PLSCR3: variants seen among roughly 807,000 people sequenced by gnomAD.
The protein encoded by PLSCR3 is phospholipid scramblase 3, also known as PL scramblase 3.
In PLSCR3, 17 loss-of-function variants were observed where a neutral mutation model predicts 33.7. The ratio of observed to expected loss-of-function variants is 0.50; its 90% confidence interval spans 0.35 to 0.76. The LOEUF is 0.76. PLSCR3 is among the 30% of genes least tolerant of loss of function. The probability of loss-of-function intolerance (pLI) is 0.01; values close to 1 mark genes in which losing one functional copy is unlikely to be tolerated. For missense variants in PLSCR3, 360 were observed against 394.1 expected (o/e 0.91, Z 0.73); for synonymous variants, 166 against 166.0 (o/e 1.00, Z 0.00).
chr17:7,390,096 C>A lies in PLSCR3; in HGVS notation c.*289G>T. 1 of 324,052 alleles carries A rather than the reference C, an allele frequency of 3.1e-6. No individual in the cohort carries two copies. Among genetic ancestry groups the A allele is most frequent in the Non-Finnish European group, 5.8e-6 (1 of 173,536 alleles). 20.1% of individuals were successfully genotyped at this position (324,052 alleles called of 1,614,324 possible). ...CCAGAGGCCTCCTTTGGAGCAGAGG[C>A]CCTGGAAGGGGGTGGGAGAGAGTGC... On this transcript the variant is annotated 3_prime_UTR_variant, in exon 8 of 8. Coordinates refer to ENST00000619711, the MANE Select transcript of PLSCR3 (RefSeq NM_020360.4).
rs776982633 is a variant in PLSCR3, at chr17:7,392,813, C to T, written c.647G>A (p.Cys216Tyr). 1 of 1,614,066 alleles carries T rather than the reference C, an allele frequency of 6.2e-7. No individual in the cohort carries two copies. Among genetic ancestry groups the T allele is most frequent in the South Asian group, 1.1e-5 (1 of 91,086 alleles). ...TACCTCAAAGTTGGTGTCTGTGCCA[C>T]AGCCACAGGTCCAGCAGGGCCCCAC... is the stretch of plus-strand genomic sequence containing the variant. ...RVVGPCWTCG[C>Y]GTDTNFEVKT... is the part of the protein sequence containing the mutation. Residue 216 changes from cysteine (C) to tyrosine (Y), a missense_variant, in exon 6 of 8, where the codon TGT (cysteine) becomes TAT (tyrosine). Coordinates refer to ENST00000619711, the MANE Select transcript of PLSCR3 (RefSeq NM_020360.4).
At chr17:7,393,556 C>A in intron 3 of PLSCR3, 45 bp downstream of exon 3, 1 of 1,613,786 alleles carries the variant, frequency 6.2e-7, no homozygotes, top group Non-Finnish European at 8.5e-7. Flanking sequence ...CATCTGGACG[C>A]CCAAGTCCCC....
At position 7,390,457 on chromosome 17, in the gene PLSCR3, T is replaced by G; in HGVS notation, c.832-16A>C. The G allele has an allele frequency of 6.3e-7, 1 of 1,588,044 alleles. No individual in the cohort carries two copies. Among genetic ancestry groups the G allele is most frequent in the Non-Finnish European group, 8.6e-7 (1 of 1,164,648 alleles). On this transcript the variant is annotated splice_polypyrimidine_tract_variant and intron_variant, in intron 7 of 7. Transcript: ENST00000619711. ...ACATGTAGTCCTAAGAGGAGGCCAC[T>G]GTCAATGGGAGATCCGGCTGGGCCA...
chr17:7,390,660 C>T lies in PLSCR3; in HGVS notation c.805G>A (p.Val269Met), dbSNP rs1440181295. ...PLDLDVRVKA[V>M]LLGATFLIDY... The stretch of plus-strand genomic sequence containing the variant: ...ATGAGGAATGTGGCTCCCAGCAGCA[C>T]AGCCTTCACCCTCACATCCAGGTCC... The change falls in exon 7 of 8, where the codon GTG becomes ATG. Residue 269 changes from valine to methionine, a missense_variant. Transcript: ENST00000619711. The T allele has an allele frequency of 1.4e-5, 22 of 1,614,108 alleles. No individual in the cohort carries two copies. The highest frequency in any genetic ancestry group is 1.8e-5 in the Non-Finnish European group (21 of 1,179,944).
Position 7,393,359 on chromosome 17 carries a change from G to A in PLSCR3, c.292C>T (p.Leu98=). The change falls in exon 5 of 8, where the codon CTA becomes TTA. Residue 98 remains leucine, a synonymous_variant. Coordinates refer to ENST00000619711, the MANE Select transcript of PLSCR3 (RefSeq NM_020360.4). The part of the protein sequence containing the change: ...HQKAERVETF[L]GWETCNRYEL... ...TACCGATTACAGGTCTCCCAGCCTA[G>A]GAACGCTGCCCGAGGTGACACGGGG... The A allele has an allele frequency of 6.2e-7, 1 of 1,613,462 alleles. No individual in the cohort carries two copies. The highest frequency in any genetic ancestry group is 1.3e-5 in the African/African-American group (1 of 75,054).
chr17:7,392,670 G>A (rs949904880), intron 6 of PLSCR3, 121 bp downstream of exon 6: 15 of 892,182 alleles, frequency 1.7e-5, no homozygotes, highest in Admixed American at 8.7e-5. Context: ...AAATGCGGTC[G>A]GAGTCACAGT....
chr17:7,392,262 T>G (rs1364979778), intron 6 of PLSCR3, among the ~76,000 whole-genome samples: 16 of 152,158 alleles, frequency 1.1e-4, no homozygotes, highest in Admixed American at 1.0e-3. Flanking sequence ...GAAACCAAGG[T>G]GCTTCCCAGG....
Position 7,393,356 on chromosome 17 carries a change from C to T in PLSCR3, c.295G>A (p.Gly99Ser). ...QKAERVETFL[G>S]WETCNRYELR... The stretch of plus-strand genomic sequence containing the variant: ...TCATACCGATTACAGGTCTCCCAGC[C>T]TAGGAACGCTGCCCGAGGTGACACG... Residue 99 changes from glycine (G) to serine (S), a missense_variant, in exon 5 of 8, where the codon GGC becomes AGC. Coordinates refer to ENST00000619711, the MANE Select transcript of PLSCR3 (RefSeq NM_020360.4). 6.2e-7 allele frequency: 1 copy of T among 1,613,482 alleles called. No individual in the cohort carries two copies. The highest frequency in any genetic ancestry group is 8.5e-7 in the Non-Finnish European group (1 of 1,179,980).
intron 7 of PLSCR3, 21 bp from the exon 8 acceptor site, chr17:7,390,462 A>T (rs1244031195): frequency 6.3e-7 from 1 of 1,589,850 alleles, no homozygotes; most frequent in Non-Finnish European, 8.6e-7. Flanking sequence ...GCCACTGTCA[A>T]TGGGAGATCC....
Position 7,390,810 on chromosome 17 carries a change from GGAGA to G in PLSCR3, c.670-19_670-16del. The stretch of plus-strand genomic sequence containing the variant: ...CGAGTCTTCACCTGTCATCAGGGAG[GGAGA>G]AAGGACCCAGCTGAGGAGGAGGCAG... On this transcript the variant is annotated splice_polypyrimidine_tract_variant and intron_variant, in intron 6 of 7. Coordinates refer to ENST00000619711, the MANE Select transcript of PLSCR3 (RefSeq NM_020360.4). 3 of 1,613,570 alleles carry G rather than the reference GGAGA, an allele frequency of 1.9e-6. No individual in the cohort carries two copies. Among genetic ancestry groups the G allele is most frequent in the Non-Finnish European group, 2.5e-6 (3 of 1,179,860 alleles).
chr17:7,391,758 C>A lies in PLSCR3; in HGVS notation c.670-963G>T. Among the ~76,000 whole-genome samples, 1 of 152,216 alleles carries A rather than the reference C, an allele frequency of 6.6e-6. No individual in the cohort carries two copies. Among genetic ancestry groups the A allele is most frequent in the Non-Finnish European group, 1.5e-5 (1 of 68,034 alleles). ...TCCCAATTGGTTCTCATCATGGAATCTCCCTCTGGCTACCAAGGTGACTCA... is the reference window on the plus strand; with the variant it reads ...TCCCAATTGGTTCTCATCATGGAATATCCCTCTGGCTACCAAGGTGACTCA... On this transcript the variant is annotated intron_variant, in intron 6 of 7. Transcript: ENST00000619711. The surrounding 1 kb of genome is among the most constrained non-coding windows in gnomAD (Gnocchi z 4.1).
rs1446196863 is a variant in PLSCR3 at position 7,394,016 on chromosome 17, C to A, written c.7+88G>T. ...AAGGGAGGGGCCCCACCCAGCCAGT[C>A]CGAGCACATTCCGGGAGGATGTGTT... On this transcript the variant is annotated intron_variant, in intron 2 of 7. Transcript: ENST00000619711. The surrounding 1 kb of genome is among the most constrained non-coding windows in gnomAD (Gnocchi z 5.3). 1 of 1,507,822 alleles carries A rather than the reference C, an allele frequency of 6.6e-7. No homozygotes were observed. The highest frequency in any genetic ancestry group is 9.1e-7 in the Non-Finnish European group (1 of 1,098,170). 93.4% of individuals were successfully genotyped at this position (1,507,822 alleles called of 1,614,324 possible).
At position 7,390,321 on chromosome 17, in the gene PLSCR3, G is replaced by T. The variant is rs949474701; in HGVS notation, c.*64C>A. The T allele has an allele frequency of 1.2e-5, 16 of 1,282,120 alleles. No individual in the cohort carries two copies. The African/African-American group carries it at 2.1e-4, about 16-fold the overall frequency. The allele number at this position is 1,282,120 out of a possible 1,614,324, so 79.4% of individuals were successfully genotyped here. A position where few individuals can be genotyped will look rare whatever the true frequency, so the allele number is the denominator to read the frequency against. ...AGGAAAGGGGCTGCCCAGAGGAGGG[G>T]CCAGGGCAGGTGACCATCTGGAGTT... is the stretch of plus-strand genomic sequence containing the variant. On this transcript the variant is annotated 3_prime_UTR_variant, in exon 8 of 8. Transcript: ENST00000619711.
At position 7,390,241 on chromosome 17, in the gene PLSCR3, G is replaced by T; in HGVS notation, c.*144C>A. The T allele has an allele frequency of 1.7e-6, 1 of 590,864 alleles. No individual in the cohort carries two copies. Among genetic ancestry groups the T allele is most frequent in the East Asian group, 2.8e-5 (1 of 35,158 alleles). The allele number at this position is 590,864 out of a possible 1,614,324, so 36.6% of individuals were successfully genotyped here. A position where few individuals can be genotyped will look rare whatever the true frequency, so the allele number is the denominator to read the frequency against. On this transcript the variant is annotated 3_prime_UTR_variant, in exon 8 of 8. Transcript: ENST00000619711. ...TCCTTGGGAACCACAGGGGCAGGCGGCCAGGGAGTAGGGTAGGGATGGGGC... is the reference window on the plus strand; with the variant it reads ...TCCTTGGGAACCACAGGGGCAGGCGTCCAGGGAGTAGGGTAGGGATGGGGC...
chr17:7,394,030 G>A lies in PLSCR3; in HGVS notation c.7+74C>T, dbSNP rs544746089. 1.3e-6 allele frequency: 2 copies of A among 1,548,608 alleles called. No homozygotes were observed. The highest frequency in any genetic ancestry group is 2.7e-5 in the African/African-American group (2 of 73,334). On this transcript the variant is annotated intron_variant, in intron 2 of 7. Coordinates refer to ENST00000619711, the MANE Select transcript of PLSCR3 (RefSeq NM_020360.4). The surrounding 1 kb of genome is among the most constrained non-coding windows in gnomAD (Gnocchi z 5.3). ...ACCCAGCCAGTCCGAGCACATTCCG[G>A]GAGGATGTGTTCAAACCCGGCTCCC...
At position 7,393,687 on chromosome 17, in the gene PLSCR3, G is replaced by T. The variant is rs752136675; in HGVS notation, c.157C>A (p.Pro53Thr). The T allele has an allele frequency of 1.9e-6, 3 of 1,583,718 alleles. No homozygotes were observed. In the South Asian group the frequency reaches 3.4e-5, roughly 18 times the overall value. ...PAPAPGFALF[P>T]SPGPVALGSA... ...CCCAAGGCCACGGGGCCAGGCGAGG[G>T]GAAGAGGGCGAAGCCGGGAGCTGGG... Residue 53 changes from proline (P) to threonine (T), a missense_variant, in exon 3 of 8, where the codon CCC (proline) becomes ACC (threonine). Coordinates refer to ENST00000619711, the MANE Select transcript of PLSCR3 (RefSeq NM_020360.4).
chr17:7,391,051 C>G lies in PLSCR3; in HGVS notation c.670-256G>C, dbSNP rs945557896. ...GATTCAGACTCAGATCTGCTGCTAT[C>G]GAAAGGCGACGCATGACATAACTGA... On this transcript the variant is annotated intron_variant, in intron 6 of 7. Transcript: ENST00000619711. The surrounding 1 kb of genome is among the most constrained non-coding windows in gnomAD (Gnocchi z 4.1). 6.6e-6 allele frequency among the ~76,000 whole-genome samples: 1 copy of G among 152,042 alleles called. No individual in the cohort carries two copies. The highest frequency in any genetic ancestry group is 2.4e-5 in the African/African-American group (1 of 41,382).
intron 7 of PLSCR3, 86 bp from the exon 8 acceptor site, chr17:7,390,527 A>G (rs1567650718): frequency 3.8e-6 from 6 of 1,564,368 alleles, no homozygotes; most frequent in Non-Finnish European, 4.4e-6. Context: ...CTCAACCCCC[A>G]CAACACCTAT....
intron 2 of PLSCR3, 105 bp from the exon 3 acceptor site, chr17:7,393,941 G>T: frequency 8.8e-7 from 1 of 1,131,016 alleles, no homozygotes. Context: ...GTGGTGGCAA[G>T]AGGCAGAGAA....
Sources: allele counts gnomAD v4.1 joint callset (sites outside exome capture counted in the v4.1 genomes callset), GRCh38; gene constraint gnomAD v4.1.1; non-coding constraint Gnocchi (gnomAD v3.1); transcripts MANE v1.5; gene names NCBI Gene and HGNC (gene_info 2026-07-23, HGNC 2026-07-21).